PEX2: variants seen among roughly 807,000 people sequenced by gnomAD.
PEX2 encodes the protein peroxisome biogenesis factor 2.
In PEX2, 19 loss-of-function variants were observed where a neutral mutation model predicts 25.2. The observed-to-expected ratio is 0.75, with a 90% confidence interval of 0.53 to 1.10. The LOEUF (loss-of-function observed/expected upper bound fraction) is 1.10. Among genes scored for constraint, PEX2 ranks in the 50% least tolerant of loss-of-function variants. The pLI, the probability that PEX2 is intolerant of heterozygous loss-of-function variation, is 0.00. For synonymous variants in PEX2, 141 were observed against 127.7 expected (o/e 1.10, Z -0.70); for missense variants, 347 against 350.6 (o/e 0.99, Z 0.08).
rs1563611022 is a variant in PEX2, at chr8:76,992,584, AAC to A, written c.-159-4248_-159-4247del. On this transcript the variant is annotated intron_variant, in intron 1 of 3. Coordinates refer to ENST00000357039, the MANE Select transcript of PEX2 (RefSeq NM_000318.3). ...AATCTTCTTCCCTCTACAGCAGTAC[AAC>A]AAGATTTGTTATAATAGGTATGAAG... Among the ~76,000 whole-genome samples, 307 of 152,332 alleles carry A rather than the reference AAC, an allele frequency of 2.0e-3. 1 individual carries two copies. Among genetic ancestry groups the A allele is most frequent in the African/African-American group, 7.0e-3 (293 of 41,574 alleles).
chr8:76,999,012 A>T (rs1357483708), intron 1 of PEX2, among the ~76,000 whole-genome samples: 1 of 151,504 alleles, frequency 6.6e-6, no homozygotes, highest in Non-Finnish European at 1.5e-5. Context: ...TCTGTAAATA[A>T]TTCTTTCAAA....
At chr8:76,984,913 CTA>C (rs980873819) in intron 3 of PEX2, among the ~76,000 whole-genome samples, 2 of 151,654 alleles carry the variant, frequency 1.3e-5, no homozygotes, top group African/African-American at 4.8e-5. Flanking sequence ...TCTAAGAAAA[CTA>C]TGATATAAAA....
In PEX2 at chr8:76,983,680, T is replaced by C; in HGVS notation, c.499A>G (p.Thr167Ala). Residue 167 changes from threonine (T) to alanine (A), a missense_variant, in exon 4 of 4, where the codon ACA becomes GCA. Thr to Ala is a moderately conservative substitution (Grantham distance 58). Transcript: ENST00000357039. ...FLQRGKFATL[T>A]ERLLGIHSVF... ...GAATGAATACCTAGGAGACGTTCTGTCAAAGTTGCAAACTTTCCCCTCTGA... is the reference window on the plus strand; with the variant it reads ...GAATGAATACCTAGGAGACGTTCTGCCAAAGTTGCAAACTTTCCCCTCTGA... 2 of 1,614,176 alleles carry C rather than the reference T, an allele frequency of 1.2e-6. No individual in the cohort carries two copies. The highest frequency in any genetic ancestry group is 1.7e-6 in the Non-Finnish European group (2 of 1,180,028).
intron 1 of PEX2, among the ~76,000 whole-genome samples, chr8:76,997,101 TAAAGG>T (rs1807356628): frequency 6.6e-6 from 1 of 152,158 alleles, no homozygotes; most frequent in African/African-American, 2.4e-5. Flanking sequence ...GGAAAGAAAT[TAAAGG>T]AATGAGGTAA....
chr8:76,984,453 TAAC>T (rs1806947006), intron 3 of PEX2, among the ~76,000 whole-genome samples: 1 of 152,050 alleles, frequency 6.6e-6, no homozygotes, highest in African/African-American at 2.4e-5. Context: ...ATCAAAGAAA[TAAC>T]AACAAAACAA....
At chr8:77,000,923 C>T (rs7001566), upstream of PEX2, 62 of 152,364 alleles carry the variant, frequency 4.1e-4, no homozygotes, top group African/African-American at 1.4e-3. Context: ...CCACTGCCTT[C>T]TCGTTCTGTG....
Position 76,983,551 on chromosome 8 carries a change from G to A in PEX2, c.628C>T (p.Leu210Phe), listed in dbSNP as rs1420998615. The change falls in exon 4 of 4, where the codon CTT becomes TTT. Residue 210 changes from leucine to phenylalanine, a missense_variant. Coordinates refer to ENST00000357039, the MANE Select transcript of PEX2 (RefSeq NM_000318.3). ...FAEFLIFLLP[L>F]INVQKLKAKL... is the part of the protein sequence containing the mutation. ...GCTTTCAACTTCTGGACATTGATAA[G>A]TGGTAAGAGAAAAATCAGAAATTCA... is the stretch of plus-strand genomic sequence containing the variant. The A allele has an allele frequency of 6.2e-7, 1 of 1,614,066 alleles. No individual in the cohort carries two copies. Among genetic ancestry groups the A allele is most frequent in the African/African-American group, 1.3e-5 (1 of 75,050 alleles).
chr8:76,991,315 T>G, intron 1 of PEX2, among the ~76,000 whole-genome samples: 2 of 152,256 alleles, frequency 1.3e-5, no homozygotes, highest in South Asian at 4.2e-4. Context: ...TTAACAATAT[T>G]TATTATCAAA....
intron 1 of PEX2, among the ~76,000 whole-genome samples, chr8:76,997,363 G>A (rs1352482025): frequency 6.6e-6 from 1 of 152,200 alleles, no homozygotes; most frequent in African/African-American, 2.4e-5. Flanking sequence ...AAGGTGAGGA[G>A]TTCAAGACCA....
intron 2 of PEX2, chr8:76,986,649 C>T (rs1157965990): frequency 1.3e-5 from 2 of 152,236 alleles, no homozygotes; most frequent in African/African-American, 4.8e-5. Flanking sequence ...TGTCTGTTCC[C>T]TTTGTGTGGA....
intron 2 of PEX2, chr8:76,988,074 G>C (rs1356713500): frequency 2.0e-5 from 3 of 152,212 alleles, no homozygotes; most frequent in Non-Finnish European, 4.4e-5. Context: ...AAACAAGATA[G>C]ATCTTGTCTA....
chr8:76,996,062 A>T (rs181411968), intron 1 of PEX2, among the ~76,000 whole-genome samples: 1 of 152,292 alleles, frequency 6.6e-6, no homozygotes, highest in East Asian at 1.9e-4. Flanking sequence ...TGAGGAAAAT[A>T]GAGAAATCAG....
chr8:76,999,761 T>C (rs998802145), intron 1 of PEX2: 2 of 449,774 alleles, frequency 4.4e-6, no homozygotes, highest in African/African-American at 2.0e-5. Context: ...TGTGTGTGTG[T>C]TTATTTTTAA....
chr8:76,994,617 C>T (rs1261819329), intron 1 of PEX2, among the ~76,000 whole-genome samples: 1 of 135,080 alleles, frequency 7.4e-6, no homozygotes, highest in East Asian at 2.5e-4. Context: ...TTTAAATTTA[C>T]AGTCCTGTAA....
intron 1 of PEX2, among the ~76,000 whole-genome samples, chr8:76,989,633 T>C (rs574310474): frequency 1.5e-4 from 23 of 152,342 alleles, no homozygotes; most frequent in Non-Finnish European, 3.1e-4. Flanking sequence ...TTGTACATCT[T>C]CGTCAGAGCT....
chr8:76,985,178 A>G (rs1433674064), intron 3 of PEX2, among the ~76,000 whole-genome samples: 2 of 53,140 alleles, frequency 3.8e-5, no homozygotes. Context: ...CCCATGACAA[A>G]AAAAAAAAAA....
At chr8:77,000,082 AAGGCTTCCGGAACTCGC>A (rs1156891390), upstream of PEX2, 2 of 399,100 alleles carry the variant, frequency 5.0e-6, no homozygotes, top group Non-Finnish European at 9.9e-6. Flanking sequence ...CTGGATTACC[AAGGCTTCCGGAACTCGC>A]AGGCTTCCGG....
Position 76,983,022 on chromosome 8 carries a change from A to C in PEX2, c.*239T>G. 8.7e-7 allele frequency: 1 copy of C among 1,147,648 alleles called. No homozygotes were observed. The highest frequency in any genetic ancestry group is 1.2e-6 in the Non-Finnish European group (1 of 860,594). The allele number at this position is 1,147,648 out of a possible 1,614,324, so 71.1% of individuals were successfully genotyped here. ...AGTCACCTGACAAAAGCTGTCCATT[A>C]TTCTTGACATTAAAAATTGAATGCA... is the stretch of plus-strand genomic sequence containing the variant. On this transcript the variant is annotated 3_prime_UTR_variant, in exon 4 of 4. Coordinates refer to ENST00000357039, the MANE Select transcript of PEX2 (RefSeq NM_000318.3).
At chr8:76,986,591 C>T (rs1807007380) in intron 2 of PEX2, 1 of 152,382 alleles carries the variant, frequency 6.6e-6, no homozygotes, top group South Asian at 2.1e-4. Context: ...TTACGCATCA[C>T]ATCCAGTCAA....
Sources: allele counts gnomAD v4.1 joint callset (sites outside exome capture counted in the v4.1 genomes callset), GRCh38; gene constraint gnomAD v4.1.1; transcripts MANE v1.5; gene names NCBI Gene and HGNC (gene_info 2026-07-23, HGNC 2026-07-21).